EPB41L3: variants seen among roughly 807,000 people sequenced by gnomAD.
The protein encoded by EPB41L3 is erythrocyte membrane protein band 4.1 like 3.
EPB41L3 carries 57 observed loss-of-function variants against 127.1 expected under a neutral mutation model. The ratio of observed to expected loss-of-function variants is 0.45; its 90% CI spans 0.36 to 0.56. EPB41L3 has a LOEUF of 0.56. Among genes scored for constraint, EPB41L3 ranks in the 20% least tolerant of loss-of-function variants. The pLI, the probability that EPB41L3 is intolerant of heterozygous loss-of-function variation, is 0.00. For missense variants in EPB41L3, 1,273 were observed against 1,372.2 expected, an observed-to-expected ratio of 0.93 and a Z score of 1.14; for synonymous variants, 572 against 549.5, an observed-to-expected ratio of 1.04 and a Z score of -0.57.
chr18:5,530,925 T>C (rs2093391855), intron 1 of EPB41L3, among the ~76,000 whole-genome samples: 1 of 152,172 alleles, frequency 6.6e-6, no homozygotes, highest in South Asian at 2.1e-4. Context: ...TGGGTAGTGC[T>C]GGAAATATGT....
chr18:5,451,996 G>A (rs995381840), intron 3 of EPB41L3, among the ~76,000 whole-genome samples: 1 of 152,068 alleles, frequency 6.6e-6, no homozygotes, highest in African/African-American at 2.4e-5. Context: ...CCGCCACCAC[G>A]TCTAGCTAAT....
At chr18:5,558,214 G>A (rs2094068770) in intron 3 of EPB41L3, among the ~76,000 whole-genome samples, 1 of 152,124 alleles carries the variant, frequency 6.6e-6, no homozygotes, top group Non-Finnish European at 1.5e-5. Context: ...CTTGCCAGAA[G>A]ACAACATTCC....
At chr18:5,511,212 T>G (rs2092493086) in intron 1 of EPB41L3, among the ~76,000 whole-genome samples, 1 of 151,946 alleles carries the variant, frequency 6.6e-6, no homozygotes, top group African/African-American at 2.4e-5. Flanking sequence ...CTGGTCAGTT[T>G]GATCTGCCTG....
At chr18:5,629,415 CCACACACACACA>C (rs61034629), upstream of EPB41L3, among the ~76,000 whole-genome samples, 11 of 143,756 alleles carry the variant, frequency 7.7e-5, no homozygotes, top group East Asian at 4.3e-4. Context: ...TCCTTACACA[CCACACACACACA>C]CACACACACA....
chr18:5,614,312 T>TC (rs1231560095), intron 2 of EPB41L3: 1 of 152,208 alleles, frequency 6.6e-6, no homozygotes, highest in Non-Finnish European at 1.5e-5. Context: ...ATGAATAACT[T>TC]CCCTTACATG....
At chr18:5,400,709 T>C (rs939048314) in intron 16 of EPB41L3, 13 of 520,884 alleles carry the variant, frequency 2.5e-5, no homozygotes, top group Admixed American at 1.8e-4. Flanking sequence ...GCAAGATTAT[T>C]ATCAGAAAGT....
intron 1 of EPB41L3, among the ~76,000 whole-genome samples, chr18:5,530,956 A>G (rs571079766): frequency 1.3e-5 from 2 of 152,288 alleles, no homozygotes; most frequent in East Asian, 3.9e-4. Flanking sequence ...GATATACTCC[A>G]CTGTTAGGCA....
intron 16 of EPB41L3, among the ~76,000 whole-genome samples, chr18:5,403,836 T>TA: frequency 6.6e-6 from 1 of 152,282 alleles, no homozygotes; most frequent in East Asian, 1.9e-4. Context: ...TAACTTATTT[T>TA]AAAAAATATC....
chr18:5,611,511 C>T lies in EPB41L3; in HGVS notation c.-306+829G>A, dbSNP rs577724803. On this transcript the variant is annotated intron_variant, in intron 3 of 21. Transcript: ENST00000545076. ...TGGTTAATGTGTAGAGTTTCAGTTT[C>T]GCAAGATGAAGTGAGTTCTGGAGAT... Among the ~76,000 whole-genome samples, 118 of 152,268 alleles carry T rather than the reference C, an allele frequency of 7.7e-4. 1 individual carries two copies. Among genetic ancestry groups the T allele is most frequent in the African/African-American group, 2.7e-3 (111 of 41,550 alleles).
rs376613231 is a variant in EPB41L3 at position 5,395,159 on chromosome 18, G to A, written c.3073-12C>T. 41 of 1,611,870 alleles carry A rather than the reference G, an allele frequency of 2.5e-5. No homozygotes were observed. In the African/African-American group the frequency reaches 3.3e-4, roughly 13 times the overall value. On this transcript the variant is annotated splice_polypyrimidine_tract_variant and intron_variant, in intron 20 of 22. Coordinates refer to ENST00000341928, the MANE Select transcript of EPB41L3 (RefSeq NM_012307.5). ...CCCCCTTTCACAGTCTGCAAGACAC[G>A]TAGAGAAGCTTTATGAATTTACTCA...
chr18:5,473,133 T>C (rs78344252), intron 3 of EPB41L3, among the ~76,000 whole-genome samples: 2,270 of 152,234 alleles, frequency 0.015, 41 homozygotes, highest in African/African-American at 0.052. Flanking sequence ...TCTCATTGAT[T>C]TGCCCCAATC....
In EPB41L3 at chr18:5,398,607, T is replaced by C. The variant is rs887225927; in HGVS notation, c.2350-464A>G. The C allele has an allele frequency of 7.5e-6, 3 of 402,076 alleles. No homozygotes were observed. The East Asian group carries it at 1.1e-4, about 14-fold the overall frequency. The allele number at this position is 402,076 out of a possible 1,614,324, so 24.9% of individuals were successfully genotyped here. A position where few individuals can be genotyped will look rare whatever the true frequency, so the allele number is the denominator to read the frequency against. The stretch of plus-strand genomic sequence containing the variant: ...AAGGGGACTGCCTCAAAAACTGTCA[T>C]GCTGGAATTGCAAACTGTGGCCCCA... On this transcript the variant is annotated intron_variant, in intron 16 of 22. Coordinates refer to ENST00000341928, the MANE Select transcript of EPB41L3 (RefSeq NM_012307.5).
intron 3 of EPB41L3, among the ~76,000 whole-genome samples, chr18:5,602,547 C>T (rs867668007): frequency 2.0e-5 from 3 of 152,154 alleles, no homozygotes; most frequent in Admixed American, 6.5e-5. Flanking sequence ...TGGGCTCAAG[C>T]GATCTTCCCA....
chr18:5,444,273 C>T (rs1356536508), intron 4 of EPB41L3, among the ~76,000 whole-genome samples: 1 of 152,198 alleles, frequency 6.6e-6, no homozygotes, highest in Non-Finnish European at 1.5e-5. Flanking sequence ...TTAGAGACTT[C>T]TGCAATAAAA....
In EPB41L3 at chr18:5,407,751, A is replaced by G. The variant is rs1182354303; in HGVS notation, c.2122-15T>C. On this transcript the variant is annotated splice_polypyrimidine_tract_variant and intron_variant, in intron 14 of 22. Transcript: ENST00000341928. ...TCCTGGTCCGACTGCCAGCATCAAG[A>G]AAGAGTGGGAAATAAAGTCTTACAT... 6.2e-7 allele frequency: 1 copy of G among 1,613,700 alleles called. No homozygotes were observed. The highest frequency in any genetic ancestry group is 1.3e-5 in the African/African-American group (1 of 75,052).
intron 1 of EPB41L3, among the ~76,000 whole-genome samples, chr18:5,626,659 T>C (rs1364755134): frequency 6.6e-6 from 1 of 152,206 alleles, no homozygotes; most frequent in African/African-American, 2.4e-5. Context: ...CACAGTGTGG[T>C]AGGTGAAAAT....
intron 1 of EPB41L3, chr18:5,521,270 A>C (rs2148815266): frequency 6.6e-6 from 1 of 152,296 alleles, no homozygotes; most frequent in East Asian, 1.9e-4. Context: ...GAGCACACAC[A>C]AAAAAAGGAT....
chr18:5,494,238 A>G (rs929960496), intron 1 of EPB41L3, among the ~76,000 whole-genome samples: 3 of 152,044 alleles, frequency 2.0e-5, no homozygotes, highest in Admixed American at 6.5e-5. Flanking sequence ...TGTCCTCCCC[A>G]TTGCAGCAGG....
chr18:5,539,131 G>C (rs2093654383), intron 1 of EPB41L3, among the ~76,000 whole-genome samples: 1 of 151,272 alleles, frequency 6.6e-6, no homozygotes, highest in Non-Finnish European at 1.5e-5. Flanking sequence ...AACCTGAAGA[G>C]AAATAACTCC....
Sources: gnomAD v4.1 joint callset for allele counts (sites outside exome capture counted in the v4.1 genomes callset) on GRCh38, gnomAD v4.1.1 for gene constraint, MANE v1.5 for transcripts, NCBI Gene and HGNC (gene_info 2026-07-23, HGNC 2026-07-21) for gene names.